The following SYNE2 variants were observed in gnomAD, a reference collection of about 807,000 sequenced individuals.
SYNE2 encodes nesprin-2.
SYNE2 carries 431 observed loss-of-function variants against 856.3 expected under a neutral mutation model. The observed-to-expected ratio is 0.50, with a 90% CI of 0.47 to 0.55. The LOEUF is 0.55. Among genes scored for constraint, SYNE2 ranks in the 20% least tolerant of loss-of-function variants. The pLI is 0.00. For missense variants in SYNE2, 8,129 were observed against 8,023.2 expected, an observed-to-expected ratio of 1.01 and a Z score of -0.50; for synonymous variants, 2,923 against 2,872.3, an observed-to-expected ratio of 1.02 and a Z score of -0.56.
In SYNE2 at chr14:64,218,415, T is replaced by C. The variant is rs2140328414; in HGVS notation, c.19560T>C (p.Pro6520=). 6.2e-7 allele frequency: 1 copy of C among 1,613,990 alleles called. No individual in the cohort carries two copies. The highest frequency in any genetic ancestry group is 8.5e-7 in the Non-Finnish European group (1 of 1,179,978). The change falls in exon 109 of 116, where the codon CCT becomes CCC. Residue 6520 remains proline (P), a synonymous_variant. Transcript: ENST00000555002. ...YKPPYGKLLL[P]PGTDGGKEGP... The stretch of plus-strand genomic sequence containing the variant: ...CATTCTAGGGAAAGCTACTATTACC[T>C]CCAGGCACGGATGGTGGCAAAGAAG...
intron 26 of SYNE2, among the ~76,000 whole-genome samples, chr14:63,998,534 T>G (rs1320286725): frequency 6.6e-6 from 1 of 152,202 alleles, no homozygotes; most frequent in Non-Finnish European, 1.5e-5. Context: ...CTTATTTTTT[T>G]GTTTGTTTTT....
At chr14:64,208,431 G>A (rs906124021) in intron 100 of SYNE2, among the ~76,000 whole-genome samples, 20 of 152,204 alleles carry the variant, frequency 1.3e-4, no homozygotes, top group Admixed American at 2.6e-4. Context: ...ATGCATACCC[G>A]AAGTCTGTGG....
chr14:63,939,187 C>T (rs2095869982), intron 2 of SYNE2, among the ~76,000 whole-genome samples: 1 of 152,004 alleles, frequency 6.6e-6, no homozygotes, highest in Admixed American at 6.6e-5. Flanking sequence ...CAGGGCTAAC[C>T]CTTAACCCTG....
At chr14:63,821,564 G>C (rs1053060233) in intron 1 of SYNE2, among the ~76,000 whole-genome samples, 1 of 151,668 alleles carries the variant, frequency 6.6e-6, no homozygotes, top group African/African-American at 2.4e-5. Context: ...GACCAGCCTG[G>C]CCAACATGGT....
At chr14:64,068,646 G>C (rs1234489083) in intron 51 of SYNE2, among the ~76,000 whole-genome samples, 1 of 152,064 alleles carries the variant, frequency 6.6e-6, no homozygotes, top group East Asian at 1.9e-4. Context: ...TGGATCACGA[G>C]GTCAGGAGTT....
intron 1 of SYNE2, among the ~76,000 whole-genome samples, chr14:63,863,736 A>G (rs1374386954): frequency 6.6e-6 from 1 of 152,232 alleles, no homozygotes; most frequent in Non-Finnish European, 1.5e-5. Flanking sequence ...AGTGATTCAG[A>G]AAGAAAAAAA....
chr14:63,857,459 A>G (rs1477611325), intron 1 of SYNE2, among the ~76,000 whole-genome samples: 4 of 152,214 alleles, frequency 2.6e-5, no homozygotes, highest in African/African-American at 9.6e-5. Flanking sequence ...CTTTGTATGC[A>G]TATCTTTCAT....
intron 2 of SYNE2, among the ~76,000 whole-genome samples, chr14:63,923,658 A>G (rs2095626735): frequency 6.6e-6 from 1 of 152,220 alleles, no homozygotes; most frequent in Non-Finnish European, 1.5e-5. Flanking sequence ...AATCTTATAG[A>G]TATTAGCTAA....
At chr14:63,918,768 T>C (rs765872895) in intron 2 of SYNE2, among the ~76,000 whole-genome samples, 8 of 152,234 alleles carry the variant, frequency 5.3e-5, no homozygotes, top group Non-Finnish European at 1.2e-4. Flanking sequence ...CCATCTTTAC[T>C]GCACAATTTC....
intron 1 of SYNE2, among the ~76,000 whole-genome samples, chr14:63,820,698 T>C (rs992221375): frequency 6.6e-6 from 1 of 152,084 alleles, no homozygotes. Context: ...AAATCAGTGC[T>C]TGTTTTGGGA....
rs759570871 is a variant in SYNE2, at chr14:63,993,826, T to C, written c.2647-9T>C. ...TTATGATTTTGTTTGCAATTTTTTT[T>C]TTTTTTAGGAAGCACTAATAATTTC... On this transcript the variant is annotated splice_polypyrimidine_tract_variant and intron_variant, in intron 21 of 115. Transcript: ENST00000555002. The C allele has an allele frequency of 5.6e-6, 9 of 1,600,476 alleles. No homozygotes were observed. The highest frequency in any genetic ancestry group is 1.4e-5 in the African/African-American group (1 of 73,796).
chr14:63,900,363 G>A (rs957630704), intron 1 of SYNE2, among the ~76,000 whole-genome samples: 1 of 152,140 alleles, frequency 6.6e-6, no homozygotes, highest in Non-Finnish European at 1.5e-5. Context: ...CACATGGCTG[G>A]GGAGGCCTCA....
At chr14:63,778,911 T>C (rs947367683) in intron 1 of SYNE2, among the ~76,000 whole-genome samples, 3 of 119,304 alleles carry the variant, frequency 2.5e-5, no homozygotes, top group African/African-American at 5.9e-5. Context: ...TCCCAAAGTG[T>C]TGGGAGTCTC....
At chr14:64,118,501 A>G (rs2097869577) in intron 66 of SYNE2, among the ~76,000 whole-genome samples, 1 of 152,230 alleles carries the variant, frequency 6.6e-6, no homozygotes. Context: ...CAAGGGAAAT[A>G]ATTTTCAAAC....
At chr14:64,224,343 T>C (rs1596331385) in intron 113 of SYNE2, 118 bp from the exon 114 acceptor site, 1 of 988,060 alleles carries the variant, frequency 1.0e-6, no homozygotes, top group African/African-American at 1.6e-5. Flanking sequence ...ACAGTGAGAC[T>C]GTCTAAAACA....
chr14:63,839,734 T>TA (rs1889984301), intron 1 of SYNE2, among the ~76,000 whole-genome samples: 1 of 152,128 alleles, frequency 6.6e-6, no homozygotes, highest in South Asian at 2.1e-4. Flanking sequence ...ATAAAGATTT[T>TA]AAAAAATAGA....
Position 64,052,253 on chromosome 14 carries a change from G to C in SYNE2, c.8340G>C (p.Gln2780His). The change falls in exon 48 of 116, where the codon CAG becomes CAC. Residue 2780 changes from glutamine to histidine, a missense_variant. Physicochemically the swap from Gln to His is conservative, Grantham distance 24 (BLOSUM62 0). Around this residue, in one of 3 missense-constraint regions of SYNE2, gnomAD observed 5,410 missense variants for 5,284.8 expected, o/e 1.02. Transcript: ENST00000555002. ...ATGATGGCATTCTAGCTAGGCAGCA[G>C]TCTGTGGAATCGTTGGCTGAAGAGG... Reference protein sequence around the residue: ...VTHDGILARQQSVESLAEEVK... With the variant: ...VTHDGILARQHSVESLAEEVK... The C allele has an allele frequency of 6.2e-7, 1 of 1,614,190 alleles. No individual in the cohort carries two copies. The highest frequency in any genetic ancestry group is 8.5e-7 in the Non-Finnish European group (1 of 1,180,044).
At chr14:63,941,253 C>G (rs998486839) in intron 3 of SYNE2, among the ~76,000 whole-genome samples, 3 of 152,170 alleles carry the variant, frequency 2.0e-5, no homozygotes, top group African/African-American at 7.2e-5. Context: ...CTAGAGTAAC[C>G]TAGATACACA....
Position 64,089,709 on chromosome 14 carries a change from T to G in SYNE2, c.11793+13T>G, listed in dbSNP as rs752582367. On this transcript the variant is annotated intron_variant, in intron 59 of 115. Coordinates refer to ENST00000555002, the MANE Select transcript of SYNE2 (RefSeq NM_182914.3). ...CAAACATGGGGAGGTAAGCATAGAT[T>G]ATTATTTAAAGTATTTTCTTATGAT... 1.3e-6 allele frequency: 2 copies of G among 1,546,426 alleles called. No individual in the cohort carries two copies. The highest frequency in any genetic ancestry group is 2.3e-5 in the South Asian group (2 of 88,636).
Sources: gnomAD v4.1 joint callset for allele counts (sites outside exome capture counted in the v4.1 genomes callset) on GRCh38, gnomAD v4.1.1 for gene constraint, gnomAD v4.1.1 regional missense constraint, MANE v1.5 for transcripts, NCBI Gene and HGNC (gene_info 2026-07-23, HGNC 2026-07-21) for gene names.